Variants in TXNL4A observed in about 807,000 individuals in gnomAD.
TXNL4A encodes the protein thioredoxin like 4A.
In TXNL4A, 17 loss-of-function variants were observed where a neutral mutation model predicts 14.6. That is an observed-to-expected ratio of 1.16 (90% CI 0.80 to 1.74). The LOEUF is 1.74. Among genes scored for constraint, TXNL4A ranks in the 40% most tolerant of loss-of-function variants. The pLI is 0.00. For synonymous variants in TXNL4A, 83 were observed against 70.6 expected (o/e 1.18, Z -0.88); for missense variants, 74 against 195.2 (o/e 0.38, Z 3.70).
At chr18:80,026,975 A>G (rs865787648) in intron 1 of TXNL4A, among the ~76,000 whole-genome samples, 1 of 152,208 alleles carries the variant, frequency 6.6e-6, no homozygotes, top group Non-Finnish European at 1.5e-5. Flanking sequence ...AGGAGGAAAT[A>G]TTAGGGGAGA....
chr18:79,997,365 C>T (rs1292618611), intron 1 of TXNL4A, among the ~76,000 whole-genome samples: 1 of 150,820 alleles, frequency 6.6e-6, no homozygotes, highest in African/African-American at 2.4e-5. Context: ...CTGCAACAGC[C>T]CCATATTCCC....
intron 1 of TXNL4A, among the ~76,000 whole-genome samples, chr18:80,023,132 T>A (rs1278037710): frequency 2.0e-4 from 30 of 152,202 alleles, no homozygotes; most frequent in Non-Finnish European, 1.5e-5. Flanking sequence ...TTTCTTTAAA[T>A]CCCATTGTCA....
chr18:79,986,548 T>C (rs2051551481), intron 1 of TXNL4A: 2 of 981,084 alleles, frequency 2.0e-6, no homozygotes, highest in African/African-American at 3.5e-5. Context: ...ACAAAGAAAT[T>C]GGACATAAAG....
chr18:79,983,093 C>T (rs575229512), intron 1 of TXNL4A, among the ~76,000 whole-genome samples: 84 of 152,064 alleles, frequency 5.5e-4, no homozygotes, highest in Non-Finnish European at 1.1e-3. Context: ...CTCTGTTTCC[C>T]AGCCTCAAGA....
intron 1 of TXNL4A, among the ~76,000 whole-genome samples, chr18:80,018,165 C>T (rs184234757): frequency 2.2e-4 from 34 of 152,282 alleles, no homozygotes; most frequent in African/African-American, 8.2e-4. Context: ...CAAACTAGAA[C>T]TCAGGATTAA....
intron 1 of TXNL4A, among the ~76,000 whole-genome samples, chr18:79,980,529 G>C (rs979508682): frequency 6.6e-6 from 1 of 152,102 alleles, no homozygotes; most frequent in Non-Finnish European, 1.5e-5. Flanking sequence ...AATAGGAACA[G>C]ACGGGTTCAC....
At chr18:79,992,276 T>C (rs974255677), upstream of TXNL4A, among the ~76,000 whole-genome samples, 2 of 152,206 alleles carry the variant, frequency 1.3e-5, no homozygotes, top group African/African-American at 4.8e-5. Flanking sequence ...TTAGTGACTG[T>C]TCCTCAGTGG....
intron 1 of TXNL4A, among the ~76,000 whole-genome samples, chr18:79,996,098 T>C (rs1415327160): frequency 1.4e-5 from 1 of 71,024 alleles, no homozygotes; most frequent in East Asian, 5.7e-4. Flanking sequence ...AGCAAGACTC[T>C]GACTCAAAAA....
intron 1 of TXNL4A, among the ~76,000 whole-genome samples, chr18:79,996,079 G>T (rs1399521223): frequency 2.1e-5 from 3 of 142,928 alleles, no homozygotes; most frequent in Non-Finnish European, 4.5e-5. Flanking sequence ...ACTCCAGCCT[G>T]GGCGACAGAG....
intron 1 of TXNL4A, among the ~76,000 whole-genome samples, chr18:80,006,079 G>T (rs1198692458): frequency 6.6e-6 from 1 of 151,752 alleles, no homozygotes; most frequent in Non-Finnish European, 1.5e-5. Context: ...GGGCAAGATA[G>T]ACCTTATCTC....
intron 1 of TXNL4A, among the ~76,000 whole-genome samples, chr18:79,983,408 A>G (rs539102085): frequency 1.3e-5 from 2 of 152,364 alleles, no homozygotes; most frequent in Non-Finnish European, 2.9e-5. Flanking sequence ...GTCAGCAATT[A>G]AAGTGCTCAG....
chr18:79,976,092 C>A (rs527469879), intron 2 of TXNL4A, among the ~76,000 whole-genome samples: 1 of 152,274 alleles, frequency 6.6e-6, no homozygotes, highest in Non-Finnish European at 1.5e-5. Flanking sequence ...AAGGGCGTGT[C>A]CAGGGGAGCG....
Position 79,982,339 on chromosome 18 carries a change from G to T in TXNL4A, c.154-4638C>A, listed in dbSNP as rs2051476907. The stretch of plus-strand genomic sequence containing the variant: ...AGCAGGAATTGAAGAGTTCAGTTTT[G>T]TATATACTGAGTTTGAGAAAACTAA... On this transcript the variant is annotated intron_variant, in intron 1 of 2. Transcript: ENST00000269601. This position sits in a 1 kb window ranked among gnomAD's most constrained non-coding sequence, Gnocchi z 4.0. Among the ~76,000 whole-genome samples, 1 of 152,182 alleles carries T rather than the reference G, an allele frequency of 6.6e-6. No individual in the cohort carries two copies. Among genetic ancestry groups the T allele is most frequent in the African/African-American group, 2.4e-5 (1 of 41,448 alleles).
At chr18:80,015,832 G>C (rs1321413904) in intron 1 of TXNL4A, among the ~76,000 whole-genome samples, 1 of 146,824 alleles carries the variant, frequency 6.8e-6, no homozygotes, top group Admixed American at 6.9e-5. Context: ...ATGTGTGCAT[G>C]TGTCTTTATA....
At chr18:80,012,339 G>A (rs181154841) in intron 1 of TXNL4A, among the ~76,000 whole-genome samples, 14 of 152,274 alleles carry the variant, frequency 9.2e-5, no homozygotes, top group Admixed American at 6.5e-4. Context: ...GTTTTGGTAT[G>A]TGTGAGAGAA....
intron 1 of TXNL4A, among the ~76,000 whole-genome samples, chr18:79,985,074 C>A (rs1198641279): frequency 6.6e-6 from 1 of 151,838 alleles, no homozygotes; most frequent in South Asian, 2.1e-4. Flanking sequence ...GGTGTTCCTA[C>A]AAAATGGAAA....
intron 2 of TXNL4A, among the ~76,000 whole-genome samples, chr18:79,976,112 G>A (rs1332479422): frequency 2.6e-5 from 4 of 152,188 alleles, no homozygotes; most frequent in South Asian, 2.1e-4. Context: ...GTATCCCGAC[G>A]CCCAGAACCA....
chr18:80,019,882 C>A (rs572226792), intron 1 of TXNL4A, among the ~76,000 whole-genome samples: 4 of 152,130 alleles, frequency 2.6e-5, no homozygotes, highest in Non-Finnish European at 5.9e-5. Flanking sequence ...TGCTCCCATA[C>A]CATGCTTTAT....
chr18:79,992,278 C>G (rs534358187), upstream of TXNL4A, among the ~76,000 whole-genome samples: 4 of 152,266 alleles, frequency 2.6e-5, no homozygotes, highest in African/African-American at 7.2e-5. Flanking sequence ...AGTGACTGTT[C>G]CTCAGTGGCC....
Sources: gnomAD v4.1 joint callset for allele counts (sites outside exome capture counted in the v4.1 genomes callset) on GRCh38, gnomAD v4.1.1 for gene constraint, Gnocchi (gnomAD v3.1) non-coding constraint, MANE v1.5 for transcripts, NCBI Gene and HGNC (gene_info 2026-07-23, HGNC 2026-07-21) for gene names.